DAB1: variants seen among roughly 807,000 people sequenced by gnomAD.
DAB1 encodes the protein DAB adaptor protein 1.
Under a neutral mutation model 64.6 loss-of-function variants are expected in DAB1, and 15 were observed. The ratio of observed to expected loss-of-function variants is 0.23; its 90% CI spans 0.16 to 0.36. The LOEUF (loss-of-function observed/expected upper bound fraction) is 0.36, where lower values mean the gene tolerates loss of function less well. Among genes scored for constraint, DAB1 ranks in the 10% least tolerant of loss-of-function variants. The pLI, the probability that DAB1 is intolerant of heterozygous loss-of-function variation, is 1.00. For missense variants in DAB1, 596 were observed against 706.7 expected (o/e 0.84, Z 1.78); for synonymous variants, 235 against 251.9 (o/e 0.93, Z 0.64).
intron 3 of DAB1, among the ~76,000 whole-genome samples, chr1:58,394,863 G>T (rs1221673011): frequency 6.6e-6 from 1 of 152,020 alleles, no homozygotes; most frequent in Non-Finnish European, 1.5e-5. Context: ...AAAACTCATT[G>T]AGTTGTATAT....
intron 3 of DAB1, among the ~76,000 whole-genome samples, chr1:58,505,291 C>T (rs1415151863): frequency 1.3e-5 from 2 of 152,134 alleles, no homozygotes; most frequent in African/African-American, 4.8e-5. Context: ...AGCACATGGC[C>T]CAGTACCAAT....
At chr1:58,397,987 A>T (rs936023845) in intron 3 of DAB1, among the ~76,000 whole-genome samples, 1 of 152,166 alleles carries the variant, frequency 6.6e-6, no homozygotes, top group African/African-American at 2.4e-5. Flanking sequence ...CCCTGTCTTC[A>T]TCCCACACCC....
chr1:57,404,294 A>G (rs1200840640), intron 1 of DAB1, among the ~76,000 whole-genome samples: 1 of 152,226 alleles, frequency 6.6e-6, no homozygotes, highest in Admixed American at 6.5e-5. Context: ...CACGTCTAGC[A>G]AAAAATAGAA....
intron 1 of DAB1, among the ~76,000 whole-genome samples, chr1:57,313,663 C>T (rs552611309): frequency 5.4e-4 from 83 of 152,318 alleles, no homozygotes; most frequent in Non-Finnish European, 7.8e-4. Context: ...CCTGTTCCAG[C>T]AGATGTTCAG....
intron 2 of DAB1, among the ~76,000 whole-genome samples, chr1:57,285,423 C>A (rs1421399237): frequency 6.6e-6 from 1 of 152,106 alleles, no homozygotes; most frequent in Admixed American, 6.6e-5. Flanking sequence ...CGAGTGCCAC[C>A]ACACCCTATT....
At chr1:58,430,991 T>C (rs1644864630) in intron 3 of DAB1, among the ~76,000 whole-genome samples, 1 of 152,192 alleles carries the variant, frequency 6.6e-6, no homozygotes. Context: ...CCGTTTTCAC[T>C]ATTCTCTGGG....
At chr1:57,626,003 T>A (rs1307053392) in intron 7 of DAB1, among the ~76,000 whole-genome samples, 2 of 152,112 alleles carry the variant, frequency 1.3e-5, no homozygotes, top group African/African-American at 4.8e-5. Context: ...ACACCTAAAG[T>A]AATAGAAGAA....
At chr1:58,240,094 G>T (rs1372658426) in intron 4 of DAB1, among the ~76,000 whole-genome samples, 1 of 152,176 alleles carries the variant, frequency 6.6e-6, no homozygotes, top group East Asian at 1.9e-4. Context: ...GGGAACACCA[G>T]AATGATGAGA....
At chr1:57,731,581 G>C (rs1373689731) in intron 6 of DAB1, among the ~76,000 whole-genome samples, 1 of 152,184 alleles carries the variant, frequency 6.6e-6, no homozygotes, top group Non-Finnish European at 1.5e-5. Context: ...GAGGCAGGTA[G>C]ATCACCTGAG....
chr1:57,511,450 C>G (rs1044805423), intron 7 of DAB1, among the ~76,000 whole-genome samples: 1 of 152,226 alleles, frequency 6.6e-6, no homozygotes, highest in Non-Finnish European at 1.5e-5. Context: ...CTGCCTTATT[C>G]TATCCTTCAG....
At chr1:58,455,915 G>A (rs911886981) in intron 3 of DAB1, among the ~76,000 whole-genome samples, 1 of 152,216 alleles carries the variant, frequency 6.6e-6, no homozygotes, top group East Asian at 1.9e-4. Context: ...CTCTTCATCA[G>A]TCAGGGGCAC....
At chr1:57,019,849 A>G (rs907425439) in intron 11 of DAB1, among the ~76,000 whole-genome samples, 1 of 152,248 alleles carries the variant, frequency 6.6e-6, no homozygotes, top group Non-Finnish European at 1.5e-5. Context: ...AGGTTTTTAA[A>G]AAGTGTTGAA....
intron 5 of DAB1, among the ~76,000 whole-genome samples, chr1:58,108,379 A>G (rs556725223): frequency 6.6e-6 from 1 of 152,322 alleles, no homozygotes; most frequent in South Asian, 2.1e-4. Flanking sequence ...TCCATACTGA[A>G]TGAGCCTACT....
chr1:57,986,371 T>C (rs1646218770), intron 5 of DAB1, among the ~76,000 whole-genome samples: 2 of 152,148 alleles, frequency 1.3e-5, no homozygotes, highest in Admixed American at 6.5e-5. Context: ...TTACCTATTC[T>C]ACTACTTGAA....
upstream of DAB1, among the ~76,000 whole-genome samples, chr1:57,886,104 C>T (rs1644216943): frequency 1.3e-5 from 2 of 151,900 alleles, no homozygotes. Context: ...TTAAGGAGTC[C>T]AGGTCTACAT....
rs1261028581 is a variant in DAB1, at chr1:57,757,037, G to C, written n.552-107372C>G. Among the ~76,000 whole-genome samples, 3 of 152,018 alleles carry C rather than the reference G, an allele frequency of 2.0e-5. No individual in the cohort carries two copies. In the East Asian group the frequency reaches 5.8e-4, roughly 29 times the overall value. The stretch of plus-strand genomic sequence containing the variant: ...TCATTAATATTTGTTGATCAGCTAT[G>C]GAAGGTAGTATATAGCAGTGTTTCT... On this transcript the variant is annotated intron_variant and non_coding_transcript_variant, in intron 6 of 20. Transcript: ENST00000485760.
intron 1 of DAB1, among the ~76,000 whole-genome samples, chr1:57,852,248 A>T (rs1275405742): frequency 6.6e-6 from 1 of 152,238 alleles, no homozygotes; most frequent in Non-Finnish European, 1.5e-5. Flanking sequence ...CAGAGAGGCC[A>T]AGAAGAACTT....
intron 7 of DAB1, among the ~76,000 whole-genome samples, chr1:57,572,781 G>A (rs549172683): frequency 1.6e-4 from 25 of 152,292 alleles, no homozygotes; most frequent in African/African-American, 5.8e-4. Context: ...CATTTGCTCA[G>A]CTTCTAGGGA....
At chr1:58,168,554 A>T (rs555532291) in intron 4 of DAB1, among the ~76,000 whole-genome samples, 1 of 152,116 alleles carries the variant, frequency 6.6e-6, no homozygotes, top group Admixed American at 6.5e-5. Context: ...CCAGGACTCT[A>T]TTCCCTTCTT....
Sources: gnomAD v4.1 joint callset for allele counts (sites outside exome capture counted in the v4.1 genomes callset) on GRCh38, gnomAD v4.1.1 for gene constraint, MANE v1.5 for transcripts, NCBI Gene and HGNC (gene_info 2026-07-23, HGNC 2026-07-21) for gene names.